Variants in CNOT6L observed in about 807,000 individuals in gnomAD.
CNOT6L encodes CCR4-NOT transcription complex subunit 6-like.
Under a neutral mutation model 64.0 loss-of-function variants are expected in CNOT6L, and 7 were observed. The observed-to-expected ratio is 0.11, with a 90% CI of 0.06 to 0.21. The LOEUF is 0.21. Ranked by LOEUF, CNOT6L falls within the 10% of genes least tolerant of loss-of-function variation. The pLI, the probability that CNOT6L is intolerant of heterozygous loss-of-function variation, is 1.00. For missense variants in CNOT6L, 245 were observed against 669.0 expected (o/e 0.37, Z 6.99); for synonymous variants, 193 against 243.4 (o/e 0.79, Z 1.93).
intron 4 of CNOT6L, among the ~76,000 whole-genome samples, chr4:77,763,723 T>C (rs1360810879): frequency 1.3e-5 from 2 of 152,148 alleles, no homozygotes; most frequent in Non-Finnish European, 2.9e-5. Flanking sequence ...AGGTTGAACA[T>C]TTACAAAAAC....
intron 1 of CNOT6L, among the ~76,000 whole-genome samples, chr4:77,807,957 C>T (rs1732444724): frequency 6.6e-6 from 1 of 152,078 alleles, no homozygotes; most frequent in Non-Finnish European, 1.5e-5. Context: ...TCACGTAAAT[C>T]TCCTTGCATA....
intron 5 of CNOT6L, among the ~76,000 whole-genome samples, chr4:77,752,348 C>T (rs138957833): frequency 1.5e-3 from 235 of 152,028 alleles, no homozygotes; most frequent in African/African-American, 5.5e-3. Context: ...TGAATAAAAC[C>T]AAAGTAATCA....
intron 5 of CNOT6L, among the ~76,000 whole-genome samples, chr4:77,753,015 T>C (rs1333808984): frequency 6.6e-6 from 1 of 151,792 alleles, no homozygotes; most frequent in Non-Finnish European, 1.5e-5. Context: ...CCTATGGATA[T>C]TAAGACATCA....
chr4:77,749,253 T>G (rs778526061), intron 5 of CNOT6L, among the ~76,000 whole-genome samples: 1 of 152,156 alleles, frequency 6.6e-6, no homozygotes, highest in Admixed American at 6.5e-5. Flanking sequence ...TTTCACAGAG[T>G]AGAATGAACT....
chr4:77,819,383 G>T (rs1413527200), upstream of CNOT6L: 3 of 1,609,092 alleles, frequency 1.9e-6, no homozygotes, highest in Non-Finnish European at 2.5e-6. Context: ...ACACGCGCGC[G>T]CGCGCGCACC....
chr4:77,798,318 A>G (rs1731113241), intron 1 of CNOT6L, among the ~76,000 whole-genome samples: 1 of 152,220 alleles, frequency 6.6e-6, no homozygotes, highest in African/African-American at 2.4e-5. Flanking sequence ...TAAAACAAAT[A>G]AATAATTTTT....
Position 77,797,102 on chromosome 4 carries a change from CAAAAAAAA to C in CNOT6L, c.6-20718_6-20711del, listed in dbSNP as rs386400560. Among the ~76,000 whole-genome samples, 8 of 52,984 alleles carry C rather than the reference CAAAAAAAA, an allele frequency of 1.5e-4. No homozygotes were observed. The South Asian group carries it at 3.6e-3, about 24-fold the overall frequency. 34.8% of individuals were successfully genotyped at this position (52,984 alleles called of 152,430 possible). On this transcript the variant is annotated intron_variant, in intron 1 of 11. Coordinates refer to ENST00000504123, the MANE Select transcript of CNOT6L (RefSeq NM_144571.3). Reference sequence around the variant, plus strand: ...AGCCTGACAGAGGAAGACCTTGTCTCAAAAAAAAAAAAAAAAAAAAAAAACTGCCAAGG... The same window carrying C: ...AGCCTGACAGAGGAAGACCTTGTCTCAAAAAAAAAAAAAAAACTGCCAAGG...
chr4:77,736,394 TTTATC>T (rs1320430067), intron 8 of CNOT6L, among the ~76,000 whole-genome samples: 2 of 152,232 alleles, frequency 1.3e-5, no homozygotes, highest in Non-Finnish European at 2.9e-5. Context: ...TAATCTACAA[TTTATC>T]TTATTTCCTT....
At chr4:77,775,508 T>C (rs948203462) in intron 2 of CNOT6L, among the ~76,000 whole-genome samples, 4 of 152,188 alleles carry the variant, frequency 2.6e-5, no homozygotes, top group African/African-American at 9.7e-5. Flanking sequence ...TCAGCTTCCC[T>C]AACATTAGAA....
intron 5 of CNOT6L, among the ~76,000 whole-genome samples, chr4:77,754,893 A>AAAAAAAAAAAAAAAAAC (rs1725319107): frequency 7.9e-6 from 1 of 126,034 alleles, no homozygotes; most frequent in African/African-American, 2.6e-5. Flanking sequence ...AGAAGTAAAA[A>AAAAAAAAAAAAAAAAAC]AAAAAAAAAA....
chr4:77,720,680 T>G, intron 11 of CNOT6L, 37 bp from the exon 12 acceptor site: 2 of 1,602,016 alleles, frequency 1.2e-6, no homozygotes, highest in Non-Finnish European at 8.5e-7. Context: ...AAAGAAAAAT[T>G]CAAGATATAT....
intron 4 of CNOT6L, among the ~76,000 whole-genome samples, chr4:77,769,676 T>C (rs931167337): frequency 6.6e-6 from 1 of 152,152 alleles, no homozygotes; most frequent in Non-Finnish European, 1.5e-5. Context: ...AATAGGAGAA[T>C]GACTATTCAT....
intron 4 of CNOT6L, among the ~76,000 whole-genome samples, chr4:77,760,860 CTT>C (rs754195745): frequency 2.0e-3 from 61 of 29,964 alleles, no homozygotes; most frequent in African/African-American, 5.1e-3. Context: ...CCATGCCTGG[CTT>C]TTTTTTTTTT....
At chr4:77,749,836 G>T (rs557707616) in intron 5 of CNOT6L, among the ~76,000 whole-genome samples, 43 of 152,244 alleles carry the variant, frequency 2.8e-4, no homozygotes, top group African/African-American at 6.7e-4. Flanking sequence ...GAACAAACTG[G>T]CATCTTTTAA....
chr4:77,779,053 A>C (rs1189935341), intron 1 of CNOT6L, among the ~76,000 whole-genome samples: 2 of 99,946 alleles, frequency 2.0e-5, no homozygotes, highest in Non-Finnish European at 4.4e-5. Context: ...TCTCAAAAAA[A>C]AAAAAAAAAC....
At chr4:77,759,790 T>C (rs1237518600) in intron 4 of CNOT6L, among the ~76,000 whole-genome samples, 3 of 152,094 alleles carry the variant, frequency 2.0e-5, no homozygotes. Flanking sequence ...AACAGAACAC[T>C]ATCAACCAAC....
In CNOT6L at chr4:77,819,026, G is replaced by A. The variant is rs778480158; in HGVS notation, c.5+278C>T. Reference sequence around the variant, plus strand: ...AAGCGGGAGGGACACGCCACTCTGGGGTCCCGGCCCCGGGCCACCCCCGAC... The same window carrying A: ...AAGCGGGAGGGACACGCCACTCTGGAGTCCCGGCCCCGGGCCACCCCCGAC... On this transcript the variant is annotated intron_variant, in intron 1 of 11. Transcript: ENST00000504123. 6.3e-6 allele frequency: 4 copies of A among 633,922 alleles called. No individual in the cohort carries two copies. In the South Asian group the frequency reaches 6.4e-5, roughly 10 times the overall value. 39.3% of individuals were successfully genotyped at this position (633,922 alleles called of 1,614,324 possible).
chr4:77,791,815 G>A (rs907353091), intron 1 of CNOT6L, among the ~76,000 whole-genome samples: 24 of 151,966 alleles, frequency 1.6e-4, no homozygotes, highest in Admixed American at 7.9e-4. Flanking sequence ...AAAATATTCC[G>A]ATAAGGAAAA....
intron 1 of CNOT6L, chr4:77,819,048 C>CGACACACA (rs1553900873): frequency 1.9e-6 from 1 of 526,586 alleles, no homozygotes; most frequent in African/African-American, 4.8e-5. Flanking sequence ...GGGCCACCCC[C>CGACACACA]GACACACACA....
Sources: gnomAD v4.1 joint callset for allele counts (sites outside exome capture counted in the v4.1 genomes callset) on GRCh38, gnomAD v4.1.1 for gene constraint, MANE v1.5 for transcripts, NCBI Gene and HGNC (gene_info 2026-07-23, HGNC 2026-07-21) for gene names.